Variants in KIRREL3 observed in about 807,000 individuals in gnomAD.
The protein encoded by KIRREL3 is kin of IRRE-like protein 3.
KIRREL3 carries 36 observed loss-of-function variants against 89.7 expected under a neutral mutation model. That is an observed-to-expected ratio of 0.40 (90% CI 0.31 to 0.53). The LOEUF is 0.53. KIRREL3 is among the 20% of genes least tolerant of loss of function. The probability of loss-of-function intolerance (pLI) is 0.49; values close to 1 mark genes in which losing one functional copy is unlikely to be tolerated. For missense variants in KIRREL3, 864 were observed against 1,056.6 expected (o/e 0.82, Z 2.53); for synonymous variants, 445 against 441.4 (o/e 1.01, Z -0.10).
chr11:126,595,759 G>A (rs531425505), intron 1 of KIRREL3, among the ~76,000 whole-genome samples: 1 of 152,304 alleles, frequency 6.6e-6, no homozygotes, highest in Non-Finnish European at 1.5e-5. Context: ...AGCGATGGGG[G>A]ACAGCAAGAA....
chr11:126,545,762 G>C (rs532015002), intron 2 of KIRREL3, among the ~76,000 whole-genome samples: 1 of 152,308 alleles, frequency 6.6e-6, no homozygotes, highest in Admixed American at 6.5e-5. Flanking sequence ...AGGTGGCAAG[G>C]CTTTCTCTTC....
intron 7 of KIRREL3, among the ~76,000 whole-genome samples, chr11:126,451,121 G>A (rs1027753320): frequency 5.6e-4 from 85 of 151,146 alleles, no homozygotes; most frequent in South Asian, 2.5e-3. Flanking sequence ...GCATGTGTGT[G>A]TGTGCATGTG....
chr11:126,845,262 C>A (rs780343207), intron 1 of KIRREL3, among the ~76,000 whole-genome samples: 11 of 152,132 alleles, frequency 7.2e-5, no homozygotes, highest in Non-Finnish European at 1.2e-4. Flanking sequence ...GTCACTAGGG[C>A]TGCTCAGGGA....
chr11:126,649,826 A>G (rs1944839527), intron 1 of KIRREL3, among the ~76,000 whole-genome samples: 1 of 152,240 alleles, frequency 6.6e-6, no homozygotes, highest in Non-Finnish European at 1.5e-5. Flanking sequence ...GTGCCCTAGT[A>G]GGGACTCTGT....
chr11:126,534,144 G>A (rs905502304), intron 2 of KIRREL3, among the ~76,000 whole-genome samples: 2 of 152,138 alleles, frequency 1.3e-5, no homozygotes, highest in African/African-American at 2.4e-5. Context: ...CTCAAGGCTG[G>A]TGTTTGTGGT....
Position 126,424,871 on chromosome 11 carries a change from C to T in KIRREL3, c.2046G>A (p.Leu682=). 6.2e-7 allele frequency: 1 copy of T among 1,613,782 alleles called. No individual in the cohort carries two copies. Among genetic ancestry groups the T allele is most frequent in the Non-Finnish European group, 8.5e-7 (1 of 1,179,718 alleles). ...GMSFTNIYST[L]SGQGRLYDYG... is the part of the protein sequence containing the mutation. ...AGTCGTAGAGGCGGCCCTGGCCGCTCAGGGTGCTGTAGATGTTGGTGAAGG... is the reference window on the plus strand; with the variant it reads ...AGTCGTAGAGGCGGCCCTGGCCGCTTAGGGTGCTGTAGATGTTGGTGAAGG... The change falls in exon 17 of 17, where the codon CTG becomes CTA. Residue 682 remains leucine (L), a synonymous_variant. Transcript: ENST00000525144.
Position 126,897,054 on chromosome 11 carries a change from C to T in KIRREL3, c.55+103401G>A, listed in dbSNP as rs1445737098. ...AGTAGGCAGCCTTCTCCTCTCTCTT[C>T]CCTGCTCTTCCTCTTATCCAAGTTA... On this transcript the variant is annotated intron_variant, in intron 1 of 16. Transcript: ENST00000525144. The surrounding 1 kb of genome is among the most constrained non-coding windows in gnomAD (Gnocchi z 4.2). Among the ~76,000 whole-genome samples, 1 of 152,164 alleles carries T rather than the reference C, an allele frequency of 6.6e-6. No homozygotes were observed. Among genetic ancestry groups the T allele is most frequent in the African/African-American group, 2.4e-5 (1 of 41,448 alleles).
At chr11:126,616,258 G>A (rs1943344464) in intron 1 of KIRREL3, among the ~76,000 whole-genome samples, 1 of 150,788 alleles carries the variant, frequency 6.6e-6, no homozygotes, top group Admixed American at 6.7e-5. Flanking sequence ...GAGAGGGGCT[G>A]GAATTGGCTG....
chr11:126,743,843 G>A (rs1949055995), intron 1 of KIRREL3, among the ~76,000 whole-genome samples: 1 of 152,168 alleles, frequency 6.6e-6, no homozygotes, highest in Admixed American at 6.5e-5. Flanking sequence ...AGATTCCTGG[G>A]GTTTTAGGAG....
In KIRREL3 at chr11:126,965,491, T is replaced by C. The variant is rs1949237365; in HGVS notation, c.55+34964A>G. On this transcript the variant is annotated intron_variant, in intron 1 of 16. Coordinates refer to ENST00000525144, the MANE Select transcript of KIRREL3 (RefSeq NM_032531.4). The surrounding 1 kb of genome is among the most constrained non-coding windows in gnomAD (Gnocchi z 4.4). Reference sequence around the variant, plus strand: ...ACAATACCTCTTCTCAGTAACAAGATGCTGGTACTGAGAAACCAGTATCCT... The same window carrying C: ...ACAATACCTCTTCTCAGTAACAAGACGCTGGTACTGAGAAACCAGTATCCT... Among the ~76,000 whole-genome samples the C allele has an allele frequency of 6.6e-6, 1 of 152,188 alleles. No homozygotes were observed. The highest frequency in any genetic ancestry group is 2.1e-4 in the South Asian group (1 of 4,830).
At chr11:126,504,729 A>T (rs898158292) in intron 4 of KIRREL3, among the ~76,000 whole-genome samples, 1 of 152,248 alleles carries the variant, frequency 6.6e-6, no homozygotes, top group African/African-American at 2.4e-5. Context: ...ACTATTGTCC[A>T]TCATGAATTT....
chr11:126,609,611 T>G lies in KIRREL3; in HGVS notation c.56-46699A>C, dbSNP rs1459055129. ...CCTTTCTGGGGGGACCTCCGATGCA[T>G]GCTCACTTGTATAAAATCTAACTGG... is the stretch of plus-strand genomic sequence containing the variant. On this transcript the variant is annotated intron_variant, in intron 1 of 16. Transcript: ENST00000525144. This position sits in a 1 kb window ranked among gnomAD's most constrained non-coding sequence, Gnocchi z 5.0. Among the ~76,000 whole-genome samples the G allele has an allele frequency of 6.6e-6, 1 of 152,156 alleles. No individual in the cohort carries two copies. Among genetic ancestry groups the G allele is most frequent in the South Asian group, 2.1e-4 (1 of 4,826 alleles).
chr11:126,863,420 C>CGTGTGTGAGTGTGTGTGTTTGAGT (rs1944780089), intron 1 of KIRREL3, among the ~76,000 whole-genome samples: 9 of 135,954 alleles, frequency 6.6e-5, no homozygotes, highest in East Asian at 2.3e-4. Flanking sequence ...CGTGTGTGAG[C>CGTGTGTGAGTGTGTGTGTTTGAGT]GCATGTGTGT....
chr11:126,463,441 T>A lies in KIRREL3; in HGVS notation c.592-134A>T. 1 of 889,706 alleles carries A rather than the reference T, an allele frequency of 1.1e-6. No individual in the cohort carries two copies. The allele number at this position is 889,706 out of a possible 1,614,324, so 55.1% of individuals were successfully genotyped here. A position where few individuals can be genotyped will look rare whatever the true frequency, so the allele number is the denominator to read the frequency against. Reference sequence around the variant, plus strand: ...ATGGAGGGGTTCAGCTTAGGAGACCTGGGCTGCCCATGTCTACGCAGAGCT... The same window carrying A: ...ATGGAGGGGTTCAGCTTAGGAGACCAGGGCTGCCCATGTCTACGCAGAGCT... On this transcript the variant is annotated intron_variant, in intron 5 of 16. Coordinates refer to ENST00000525144, the MANE Select transcript of KIRREL3 (RefSeq NM_032531.4). The surrounding 1 kb of genome is among the most constrained non-coding windows in gnomAD (Gnocchi z 5.9).
intron 1 of KIRREL3, among the ~76,000 whole-genome samples, chr11:126,580,967 T>C (rs182312195): frequency 1.3e-5 from 2 of 152,026 alleles, no homozygotes; most frequent in Admixed American, 1.3e-4. Context: ...CCACTGCCTA[T>C]GGTGAAGTAG....
At position 126,689,950 on chromosome 11, in the gene KIRREL3, G is replaced by T. The variant is rs2135128638; in HGVS notation, c.56-127038C>A. Among the ~76,000 whole-genome samples the T allele has an allele frequency of 6.6e-6, 1 of 152,302 alleles. No homozygotes were observed. Among genetic ancestry groups the T allele is most frequent in the African/African-American group, 2.4e-5 (1 of 41,566 alleles). On this transcript the variant is annotated intron_variant, in intron 1 of 16. Coordinates refer to ENST00000525144, the MANE Select transcript of KIRREL3 (RefSeq NM_032531.4). The surrounding 1 kb of genome is among the most constrained non-coding windows in gnomAD (Gnocchi z 5.2). ...CAGGGATGGGAGTGTGAGAGTTGAT[G>T]CTTCTTTTAGACCCTATTTGTCTCC... is the stretch of plus-strand genomic sequence containing the variant.
chr11:126,800,736 C>A (rs1001455154), intron 1 of KIRREL3, among the ~76,000 whole-genome samples: 1 of 152,140 alleles, frequency 6.6e-6, no homozygotes, highest in East Asian at 1.9e-4. Context: ...AACAGGCCAC[C>A]CCTACAGCCA....
chr11:126,738,725 T>C (rs3889460), intron 1 of KIRREL3, among the ~76,000 whole-genome samples: 63,459 of 152,136 alleles, frequency 0.42, 14,664 homozygotes, highest in East Asian at 0.86. Context: ...TTCTCAGCCC[T>C]AGCAGGGCTC....
intron 1 of KIRREL3, among the ~76,000 whole-genome samples, chr11:126,713,526 G>C (rs753665253): frequency 3.3e-5 from 5 of 152,192 alleles, no homozygotes; most frequent in Non-Finnish European, 5.9e-5. Context: ...GGTAAGAAAC[G>C]ATGAAGGCCT....
Sources: allele counts gnomAD v4.1 joint callset (sites outside exome capture counted in the v4.1 genomes callset), GRCh38; gene constraint gnomAD v4.1.1; non-coding constraint Gnocchi (gnomAD v3.1); transcripts MANE v1.5; gene names NCBI Gene and HGNC (gene_info 2026-07-23, HGNC 2026-07-21).